Variants in ABTB3 observed in about 807,000 individuals in gnomAD.
The protein encoded by ABTB3 is ankyrin repeat- and BTB/POZ domain-containing protein 3.
chr12:107,352,273 A>G, the ABTB3 span, among the ~76,000 whole-genome samples: 1 of 152,096 alleles, frequency 6.6e-6, no homozygotes, highest in African/African-American at 2.4e-5. Context: ...GATGTTCAGG[A>G]GTTGTCCAGA....
chr12:107,436,112 C>T, the ABTB3 span, among the ~76,000 whole-genome samples: 12 of 152,318 alleles, frequency 7.9e-5, no homozygotes, highest in African/African-American at 1.2e-4. Context: ...GCACAGCCCA[C>T]GTGTACCCAG....
the ABTB3 span, among the ~76,000 whole-genome samples, chr12:107,333,961 T>C: frequency 2.6e-5 from 4 of 152,070 alleles, no homozygotes; most frequent in Non-Finnish European, 5.9e-5. Context: ...AGGGAATTGA[T>C]CATGTTGGTA....
the ABTB3 span, among the ~76,000 whole-genome samples, chr12:107,371,259 G>T: frequency 2.6e-5 from 4 of 152,216 alleles, no homozygotes; most frequent in South Asian, 6.2e-4. Context: ...CCAGGCTGAC[G>T]GATTGGAGAG....
chr12:107,526,832 G>C, the ABTB3 span, among the ~76,000 whole-genome samples: 1 of 152,036 alleles, frequency 6.6e-6, no homozygotes, highest in African/African-American at 2.4e-5. Flanking sequence ...AGCGCTTTTT[G>C]CTTGGACAAA....
At chr12:107,636,120 C>A in the ABTB3 span, among the ~76,000 whole-genome samples, 1 of 152,134 alleles carries the variant, frequency 6.6e-6, no homozygotes, top group African/African-American at 2.4e-5. Flanking sequence ...GAGGGTGAAG[C>A]TGGAACTTGA....
chr12:107,635,205 A>G, the ABTB3 span: 3 of 1,242,466 alleles, frequency 2.4e-6, no homozygotes, highest in Non-Finnish European at 3.5e-6. Context: ...TATCACCTGG[A>G]GGGACGCATT....
At chr12:107,612,660 G>T in the ABTB3 span, 4 of 1,001,518 alleles carry the variant, frequency 4.0e-6, no homozygotes, top group African/African-American at 1.6e-5. Context: ...GTTTATTTTT[G>T]TCATGCCGGA....
the ABTB3 span, among the ~76,000 whole-genome samples, chr12:107,472,368 A>G: frequency 9.9e-5 from 15 of 152,160 alleles, no homozygotes; most frequent in African/African-American, 3.6e-4. Context: ...CACAGGACCA[A>G]GGCACTCTGG....
the ABTB3 span, among the ~76,000 whole-genome samples, chr12:107,419,197 G>A: frequency 6.6e-6 from 1 of 152,228 alleles, no homozygotes; most frequent in Non-Finnish European, 1.5e-5. Context: ...GGAACCAGCT[G>A]GGTGGAATGA....
the ABTB3 span, among the ~76,000 whole-genome samples, chr12:107,552,366 C>T: frequency 6.6e-6 from 1 of 152,166 alleles, no homozygotes; most frequent in Non-Finnish European, 1.5e-5. Context: ...TAAAATGTGA[C>T]AAGTCCAAAA....
the ABTB3 span, among the ~76,000 whole-genome samples, chr12:107,599,295 A>T: frequency 6.6e-6 from 1 of 152,142 alleles, no homozygotes; most frequent in Non-Finnish European, 1.5e-5. Flanking sequence ...CTTCATCCTC[A>T]CCAAAATCTT....
chr12:107,531,193 A>T, the ABTB3 span, among the ~76,000 whole-genome samples: 1 of 152,184 alleles, frequency 6.6e-6, no homozygotes, highest in African/African-American at 2.4e-5. Context: ...CAGTATCTCT[A>T]ACCTCTAGAT....
chr12:107,336,632 A>G, the ABTB3 span, among the ~76,000 whole-genome samples: 1 of 152,222 alleles, frequency 6.6e-6, no homozygotes, highest in Non-Finnish European at 1.5e-5. Flanking sequence ...AACCTCTATT[A>G]TAACACTCAT....
chr12:107,320,789 T>C, the ABTB3 span, among the ~76,000 whole-genome samples: 2 of 152,028 alleles, frequency 1.3e-5, no homozygotes, highest in Non-Finnish European at 2.9e-5. Flanking sequence ...CCATTCCCTC[T>C]GGCAGGGAGC....
the ABTB3 span, among the ~76,000 whole-genome samples, chr12:107,537,666 G>T: frequency 6.6e-6 from 1 of 152,140 alleles, no homozygotes; most frequent in African/African-American, 2.4e-5. Flanking sequence ...GTGTCAACAT[G>T]GCTCAGTTAC....
chr12:107,370,757 A>AT, the ABTB3 span, among the ~76,000 whole-genome samples: 2,315 of 87,446 alleles, frequency 0.026, 66 homozygotes, highest in South Asian at 0.045. Context: ...CAAAAAAGGG[A>AT]TTTTTTTTTT....
chr12:107,495,048 A>G, the ABTB3 span, among the ~76,000 whole-genome samples: 1 of 152,158 alleles, frequency 6.6e-6, no homozygotes, highest in Non-Finnish European at 1.5e-5. Flanking sequence ...AACCAGGGGA[A>G]GGTAGGGGGT....
At chr12:107,526,550 C>A in the ABTB3 span, among the ~76,000 whole-genome samples, 1 of 152,130 alleles carries the variant, frequency 6.6e-6, no homozygotes, top group Non-Finnish European at 1.5e-5. Flanking sequence ...GGCTCTTCTG[C>A]CTGTCACCTC....
At chr12:107,323,069 G>A in the ABTB3 span, among the ~76,000 whole-genome samples, 2 of 152,332 alleles carry the variant, frequency 1.3e-5, no homozygotes, top group Middle Eastern at 6.8e-3. Context: ...CTATTGTACT[G>A]TATTATACAA....
Sources: gnomAD v4.1 joint callset for allele counts (sites outside exome capture counted in the v4.1 genomes callset) on GRCh38, gnomAD v4.1.1 for gene constraint, MANE v1.5 for transcripts, NCBI Gene and HGNC (gene_info 2026-07-23, HGNC 2026-07-21) for gene names.